The following GPHN variants were observed in gnomAD, a reference collection of about 807,000 sequenced individuals.
The protein encoded by GPHN is gephyrin.
Under a neutral mutation model 95.5 loss-of-function variants are expected in GPHN, and 17 were observed. The ratio of observed to expected loss-of-function variants is 0.18; its 90% CI spans 0.12 to 0.27. GPHN has a LOEUF of 0.27. Ranked by LOEUF, GPHN falls within the 10% of genes least tolerant of loss-of-function variation. GPHN has a pLI of 1.00. For synonymous variants in GPHN, 320 were observed against 322.5 expected (o/e 0.99, Z 0.08); for missense variants, 660 against 978.1 (o/e 0.67, Z 4.34).
chr14:66,555,595 A>G (rs1196081279), intron 1 of GPHN, among the ~76,000 whole-genome samples: 1 of 152,168 alleles, frequency 6.6e-6, no homozygotes, highest in East Asian at 1.9e-4. Context: ...CAAATACATT[A>G]TCATTGTAAA....
the GPHN span, chr14:67,488,726 C>G: frequency 6.6e-6 from 1 of 152,422 alleles, no homozygotes; most frequent in Non-Finnish European, 1.5e-5. Context: ...AGAACTAAAA[C>G]AGAAACAGAA....
chr14:66,931,623 C>T (rs1567117278), intron 8 of GPHN, among the ~76,000 whole-genome samples: 1 of 152,060 alleles, frequency 6.6e-6, no homozygotes, highest in Non-Finnish European at 1.5e-5. Context: ...TTTTTTTCTG[C>T]TTAATCAGTT....
At chr14:66,573,023 T>G (rs1012272082) in intron 1 of GPHN, among the ~76,000 whole-genome samples, 1 of 152,234 alleles carries the variant, frequency 6.6e-6, no homozygotes, top group Non-Finnish European at 1.5e-5. Context: ...TAGTTGTGGT[T>G]TCCTACCACA....
At chr14:66,775,993 A>T (rs1019355202) in intron 2 of GPHN, among the ~76,000 whole-genome samples, 1 of 152,198 alleles carries the variant, frequency 6.6e-6, no homozygotes, top group Non-Finnish European at 1.5e-5. Context: ...CTAATGCAAG[A>T]TGTTAATAAC....
intron 2 of GPHN, among the ~76,000 whole-genome samples, chr14:66,772,822 C>T (rs901519655): frequency 5.9e-5 from 9 of 152,082 alleles, no homozygotes; most frequent in African/African-American, 1.9e-4. Context: ...AAAGCAATAA[C>T]GTATACTTTC....
intron 5 of GPHN, among the ~76,000 whole-genome samples, chr14:66,900,349 TA>T (rs1482605569): frequency 1.3e-5 from 2 of 152,008 alleles, no homozygotes; most frequent in Non-Finnish European, 2.9e-5. Flanking sequence ...TTTTCTAATG[TA>T]AACTTTAGGA....
intron 10 of GPHN, among the ~76,000 whole-genome samples, chr14:67,026,676 G>GCT (rs1349217270): frequency 6.6e-6 from 1 of 151,848 alleles, no homozygotes; most frequent in African/African-American, 2.4e-5. Context: ...ACGGAGTCCC[G>GCT]CTGTCGCCCA....
chr14:66,798,715 T>C (rs2060242953), intron 3 of GPHN, among the ~76,000 whole-genome samples: 1 of 151,890 alleles, frequency 6.6e-6, no homozygotes, highest in African/African-American at 2.4e-5. Context: ...TTTTTCTAGT[T>C]AATGTGGCTA....
the GPHN span, among the ~76,000 whole-genome samples, chr14:67,362,237 C>T: frequency 6.6e-6 from 1 of 151,800 alleles, no homozygotes; most frequent in Non-Finnish European, 1.5e-5. Flanking sequence ...CCAGGCTGGC[C>T]TCGAACTCCT....
chr14:66,509,684 A>G (rs2057960029), intron 1 of GPHN, among the ~76,000 whole-genome samples: 2 of 152,180 alleles, frequency 1.3e-5, no homozygotes, highest in African/African-American at 4.8e-5. Flanking sequence ...AGGAAATCCA[A>G]GACTCAGTGA....
In GPHN at chr14:66,948,765, A is replaced by G. The variant is rs111253744; in HGVS notation, c.829-16426A>G. Among the ~76,000 whole-genome samples, 22 of 152,324 alleles carry G rather than the reference A, an allele frequency of 1.4e-4. 2 individuals carry two copies. Among genetic ancestry groups the G allele is most frequent in the African/African-American group, 4.6e-4 (19 of 41,580 alleles). On this transcript the variant is annotated intron_variant, in intron 8 of 22. Coordinates refer to ENST00000478722, the MANE Select transcript of GPHN (RefSeq NM_020806.5). ...GGCATTTATGCGTGACTTATCAAAT[A>G]CCTTAATGAACTCAAGATACATTGC...
chr14:67,010,562 A>AG (rs1358844583), intron 9 of GPHN, among the ~76,000 whole-genome samples: 1 of 151,628 alleles, frequency 6.6e-6, no homozygotes, highest in Non-Finnish European at 1.5e-5. Context: ...AGAAAAAAAA[A>AG]AAAAAAAGAA....
intron 10 of GPHN, among the ~76,000 whole-genome samples, chr14:67,046,404 C>T (rs1169098546): frequency 6.6e-6 from 1 of 152,040 alleles, no homozygotes; most frequent in Non-Finnish European, 1.5e-5. Context: ...TGAAATAGTA[C>T]AGTGTATTCT....
intron 17 of GPHN, among the ~76,000 whole-genome samples, chr14:67,142,436 A>G (rs1595355125): frequency 6.6e-6 from 1 of 152,292 alleles, no homozygotes; most frequent in African/African-American, 2.4e-5. Context: ...TCTGACACCC[A>G]AAGATAAGAC....
intron 2 of GPHN, among the ~76,000 whole-genome samples, chr14:66,728,150 G>A (rs2071423193): frequency 6.6e-6 from 1 of 152,136 alleles, no homozygotes. Flanking sequence ...GCCTGCGAGT[G>A]CACAGAAGTC....
intron 4 of GPHN, among the ~76,000 whole-genome samples, chr14:66,866,898 A>G (rs1322098931): frequency 6.6e-6 from 1 of 152,152 alleles, no homozygotes; most frequent in African/African-American, 2.4e-5. Context: ...CTCAGACACC[A>G]TTTCATGCTC....
chr14:67,727,491 T>C, the GPHN span: 1 of 356,434 alleles, frequency 2.8e-6, no homozygotes, highest in Non-Finnish European at 5.3e-6. Context: ...TTTTGTTTTT[T>C]TTTTTTTGAG....
chr14:67,710,432 A>C, the GPHN span, among the ~76,000 whole-genome samples: 23 of 152,322 alleles, frequency 1.5e-4, 1 homozygote, highest in South Asian at 4.3e-3. Context: ...AAATCCGCTT[A>C]TTGTGACTTA....
At chr14:67,106,225 T>C (rs1362918456) in intron 13 of GPHN, among the ~76,000 whole-genome samples, 1 of 152,200 alleles carries the variant, frequency 6.6e-6, no homozygotes, top group African/African-American at 2.4e-5. Flanking sequence ...GTTATCTCCT[T>C]TCTTCCTGTC....
Sources: gnomAD v4.1 joint callset for allele counts (sites outside exome capture counted in the v4.1 genomes callset) on GRCh38, gnomAD v4.1.1 for gene constraint, MANE v1.5 for transcripts, NCBI Gene and HGNC (gene_info 2026-07-23, HGNC 2026-07-21) for gene names.